Variants in FAAH2 observed in about 807,000 individuals in gnomAD.
FAAH2 encodes the protein fatty-acid amide hydrolase 2.
Under a neutral mutation model 36.9 loss-of-function variants are expected in FAAH2, and 60 were observed. That is an observed-to-expected ratio of 1.63 (90% CI 1.32 to 2.02). The LOEUF is 2.02. Among genes scored for constraint, FAAH2 ranks in the 30% most tolerant of loss-of-function variants. The pLI is 0.00. For missense variants in FAAH2, 689 were observed against 397.5 expected (o/e 1.73, Z -6.23); for synonymous variants, 214 against 143.8 (o/e 1.49, Z -3.49).
chrX:57,280,381 C>T, the FAAH2 span, among the ~76,000 whole-genome samples: 2 of 110,609 alleles, frequency 1.8e-5, no homozygotes, highest in African/African-American at 6.6e-5. Context: ...AAAAAAAATC[C>T]AATTAGAAAA....
chrX:57,188,545 C>T, the FAAH2 span, among the ~76,000 whole-genome samples: 1 of 110,208 alleles, frequency 9.1e-6, no homozygotes, highest in Non-Finnish European at 1.9e-5. Flanking sequence ...TGTTTCGTGT[C>T]TCTATCTCAT....
chrX:57,197,943 CTTTG>C, the FAAH2 span, among the ~76,000 whole-genome samples: 1 of 112,132 alleles, frequency 8.9e-6, no homozygotes, highest in Non-Finnish European at 1.9e-5. Context: ...CTGTTGTTTT[CTTTG>C]TTTTTTGAAG....
At chrX:57,151,759 G>A in the FAAH2 span, among the ~76,000 whole-genome samples, 3 of 111,488 alleles carry the variant, frequency 2.7e-5, no homozygotes, top group Non-Finnish European at 5.6e-5. Context: ...CTCTCAGCTT[G>A]TCAAAGTCAT....
intron 7 of FAAH2, among the ~76,000 whole-genome samples, chrX:57,382,615 G>C (rs1881728368): frequency 9.0e-6 from 1 of 111,408 alleles, no homozygotes. Flanking sequence ...ACCCTCCCAA[G>C]ACTAAACCAG....
chrX:57,486,412 A>G (rs2057475054), intron 10 of FAAH2, among the ~76,000 whole-genome samples: 1 of 111,498 alleles, frequency 9.0e-6, no homozygotes, highest in African/African-American at 3.3e-5. Context: ...GAGAAATGAC[A>G]TTACATAAGG....
chrX:57,406,493 G>C (rs1468401448), intron 7 of FAAH2, among the ~76,000 whole-genome samples: 1 of 112,051 alleles, frequency 8.9e-6, no homozygotes, highest in East Asian at 2.8e-4. Context: ...TGTTTGGTTT[G>C]ATATGCTGAG....
chrX:57,300,764 G>A (rs1290742087), intron 2 of FAAH2, among the ~76,000 whole-genome samples: 1 of 111,016 alleles, frequency 9.0e-6, no homozygotes, highest in Non-Finnish European at 1.9e-5. Context: ...AAATTTACAA[G>A]AAAAAAACAA....
At chrX:57,266,090 G>A in the FAAH2 span, among the ~76,000 whole-genome samples, 1 of 111,815 alleles carries the variant, frequency 8.9e-6, no homozygotes, top group Non-Finnish European at 1.9e-5. Flanking sequence ...TCACAATACA[G>A]CTGCTCTATG....
chrX:57,379,545 TCACACA>T (rs773400915), intron 6 of FAAH2, among the ~76,000 whole-genome samples: 5 of 70,455 alleles, frequency 7.1e-5, no homozygotes, highest in African/African-American at 3.4e-4. Flanking sequence ...TCTCTCTCTC[TCACACA>T]CACACACACA....
At chrX:57,384,406 A>C (rs1364274785) in intron 7 of FAAH2, among the ~76,000 whole-genome samples, 1 of 104,316 alleles carries the variant, frequency 9.6e-6, no homozygotes, top group African/African-American at 3.3e-5. Context: ...AATGGGAGAA[A>C]ATTTTTGCAA....
chrX:57,172,244 G>T, the FAAH2 span, among the ~76,000 whole-genome samples: 1 of 111,320 alleles, frequency 9.0e-6, no homozygotes, highest in African/African-American at 3.3e-5. Flanking sequence ...GTTGTTTTTT[G>T]GTTTCGAATA....
chrX:57,436,688 G>A (rs750905801), intron 8 of FAAH2, among the ~76,000 whole-genome samples: 3 of 111,213 alleles, frequency 2.7e-5, no homozygotes, highest in East Asian at 2.8e-4. Flanking sequence ...GCAACCTCCC[G>A]TTTGAATCAG....
the FAAH2 span, among the ~76,000 whole-genome samples, chrX:57,157,306 GT>G: frequency 8.9e-6 from 1 of 111,803 alleles, no homozygotes; most frequent in Non-Finnish European, 1.9e-5. Flanking sequence ...CCCAATGACT[GT>G]AGTCATGATG....
the FAAH2 span, among the ~76,000 whole-genome samples, chrX:57,167,470 G>A: frequency 2.7e-5 from 3 of 111,892 alleles, no homozygotes; most frequent in Non-Finnish European, 5.6e-5. Flanking sequence ...GGCATTCACA[G>A]TTGTAACTAC....
At chrX:57,444,647 A>C (rs1437640331) in intron 8 of FAAH2, among the ~76,000 whole-genome samples, 1 of 111,369 alleles carries the variant, frequency 9.0e-6, no homozygotes, top group Non-Finnish European at 1.9e-5. Flanking sequence ...TTGGAAATGC[A>C]AAAATCACCC....
In FAAH2 at chrX:57,393,872, G is replaced by A; in HGVS notation, c.996+12843G>A. ...CACTCTTTGCCAAGCTATGGTTTCT[G>A]GATCAATGTCCAATCTTGCAAATCT... On this transcript the variant is annotated intron_variant, in intron 7 of 10. Coordinates refer to ENST00000374900, the MANE Select transcript of FAAH2 (RefSeq NM_174912.4). 4 of 1,033,888 alleles carry A rather than the reference G, an allele frequency of 3.9e-6. No individual in the cohort carries two copies. The South Asian group carries it at 7.5e-5, about 19-fold the overall frequency. 85.2% of individuals were successfully genotyped at this position (1,033,888 alleles called of 1,213,427 possible). A position where few individuals can be genotyped will look rare whatever the true frequency, so the allele number is the denominator to read the frequency against.
chrX:57,368,034 A>G (rs986365900), intron 5 of FAAH2, among the ~76,000 whole-genome samples: 2 of 111,476 alleles, frequency 1.8e-5, no homozygotes, highest in Admixed American at 9.5e-5. Context: ...TCATTACACC[A>G]TGCTCATACC....
chrX:57,381,166 A>G (rs1041264069), intron 7 of FAAH2, 137 bp downstream of exon 7: 14 of 409,586 alleles, frequency 3.4e-5, no homozygotes, highest in South Asian at 2.1e-4. Flanking sequence ...ATACTAAGGA[A>G]TTTTGGATGT....
At chrX:57,262,446 C>T in the FAAH2 span, among the ~76,000 whole-genome samples, 1 of 110,788 alleles carries the variant, frequency 9.0e-6, no homozygotes, top group Non-Finnish European at 1.9e-5. Flanking sequence ...TTTGAATAAC[C>T]CTATAATTTA....
Sources: gnomAD v4.1 joint callset for allele counts (sites outside exome capture counted in the v4.1 genomes callset) on GRCh38, gnomAD v4.1.1 for gene constraint, MANE v1.5 for transcripts, NCBI Gene and HGNC (gene_info 2026-07-23, HGNC 2026-07-21) for gene names.